The following NGEF variants were observed in gnomAD, a reference collection of about 807,000 sequenced individuals.
NGEF encodes ephexin-1.
A neutral mutation model predicts 80.9 loss-of-function variants in NGEF; 31 were observed. The observed-to-expected ratio is 0.38, with a 90% CI of 0.29 to 0.52. The LOEUF (loss-of-function observed/expected upper bound fraction) is 0.52. NGEF is among the 20% of genes least tolerant of loss of function. NGEF has a pLI of 0.84. For missense variants in NGEF, 709 were observed against 926.2 expected, an observed-to-expected ratio of 0.77 and a Z score of 3.04; for synonymous variants, 371 against 370.2, an observed-to-expected ratio of 1.00 and a Z score of -0.03.
At chr2:232,929,787 C>T (rs934537822) in intron 3 of NGEF, among the ~76,000 whole-genome samples, 11 of 152,120 alleles carry the variant, frequency 7.2e-5, no homozygotes, top group Non-Finnish European at 1.0e-4. Flanking sequence ...TGATGTGGTT[C>T]GGCTGTGTCC....
intron 1 of NGEF, among the ~76,000 whole-genome samples, chr2:233,005,538 T>G (rs543485772): frequency 1.3e-5 from 2 of 151,910 alleles, no homozygotes; most frequent in South Asian, 4.1e-4. Context: ...CCCAGATTAC[T>G]CAGGTGGATG....
chr2:232,889,622 T>C (rs1018809662), intron 8 of NGEF, among the ~76,000 whole-genome samples: 2 of 152,252 alleles, frequency 1.3e-5, no homozygotes, highest in Non-Finnish European at 2.9e-5. Context: ...GTCTTCTGTT[T>C]CACTTTTTCC....
chr2:232,963,727 T>C lies in NGEF; in HGVS notation c.383+6487A>G, dbSNP rs61599638. On this transcript the variant is annotated intron_variant, in intron 3 of 14. Coordinates refer to ENST00000264051, the MANE Select transcript of NGEF (RefSeq NM_019850.3). The stretch of plus-strand genomic sequence containing the variant: ...GACTTGGGAGGCTGAGGCAGGAGAA[T>C]TGCTTGAACCTGGGAGGCAAGGTTG... Among the ~76,000 whole-genome samples the C allele has an allele frequency of 3.6e-3, 549 of 152,116 alleles. 2 individuals carry two copies. Among genetic ancestry groups the C allele is most frequent in the African/African-American group, 0.013 (530 of 41,488 alleles).
Position 232,885,009 on chromosome 2 carries a change from G to A in NGEF, c.1437+271C>T, listed in dbSNP as rs951471288. On this transcript the variant is annotated intron_variant, in intron 10 of 14. Coordinates refer to ENST00000264051, the MANE Select transcript of NGEF (RefSeq NM_019850.3). ...AAGGCCACGCAGCGGGCAGGTGAGA[G>A]CAGGGTCCACACCCTGCGTGGGTCT... 3.1e-5 allele frequency: 13 copies of A among 414,306 alleles called. No individual in the cohort carries two copies. In the Admixed American group the frequency reaches 4.6e-4, roughly 15 times the overall value. 25.7% of individuals were successfully genotyped at this position (414,306 alleles called of 1,614,324 possible).
intron 8 of NGEF, among the ~76,000 whole-genome samples, chr2:232,888,368 C>T (rs1691766369): frequency 2.2e-5 from 2 of 91,346 alleles, no homozygotes; most frequent in South Asian, 4.9e-4. Context: ...TGCACACATG[C>T]ACACCGTGTA....
At chr2:232,999,570 A>G (rs1694927036) in intron 1 of NGEF, among the ~76,000 whole-genome samples, 1 of 152,248 alleles carries the variant, frequency 6.6e-6, no homozygotes, top group South Asian at 2.1e-4. Context: ...TTTCCCTGCC[A>G]TCAGACAGGG....
At chr2:232,998,571 A>G (rs1173226717) in intron 1 of NGEF, among the ~76,000 whole-genome samples, 1 of 152,120 alleles carries the variant, frequency 6.6e-6, no homozygotes, top group Non-Finnish European at 1.5e-5. Flanking sequence ...GGGGGGCTAC[A>G]GTCCGCTCAG....
At chr2:232,958,614 A>G (rs1261008605) in intron 3 of NGEF, among the ~76,000 whole-genome samples, 1 of 152,144 alleles carries the variant, frequency 6.6e-6, no homozygotes. Context: ...CAATGGTAAG[A>G]GCTGATGATT....
chr2:232,952,715 C>A (rs1173858079), intron 3 of NGEF, among the ~76,000 whole-genome samples: 1 of 152,030 alleles, frequency 6.6e-6, no homozygotes, highest in Non-Finnish European at 1.5e-5. Context: ...CGCCTGTAAT[C>A]CCAGCACTTT....
intron 8 of NGEF, among the ~76,000 whole-genome samples, chr2:232,889,182 G>A (rs1691799639): frequency 6.6e-6 from 1 of 152,158 alleles, no homozygotes; most frequent in Non-Finnish European, 1.5e-5. Flanking sequence ...GTCATTAACT[G>A]TCCCCCTACT....
intron 1 of NGEF, among the ~76,000 whole-genome samples, chr2:232,978,283 G>A (rs990455236): frequency 1.3e-5 from 2 of 152,020 alleles, no homozygotes; most frequent in Admixed American, 1.3e-4. Flanking sequence ...ACAGGCTGAG[G>A]GGGGGGATCA....
chr2:232,968,397 C>CTT (rs1694111704), intron 3 of NGEF, among the ~76,000 whole-genome samples: 1 of 148,228 alleles, frequency 6.7e-6, no homozygotes, highest in African/African-American at 2.5e-5. Context: ...CCAGACCTGG[C>CTT]TTTTATTTTA....
At chr2:232,975,092 C>T (rs191557397) in intron 1 of NGEF, 128 bp from the exon 2 acceptor site, 126 of 572,118 alleles carry the variant, frequency 2.2e-4, no homozygotes, top group African/African-American at 2.2e-3. Context: ...GTATCCACGT[C>T]TTCGCCACTG....
chr2:232,971,540 C>A (rs1694184450), intron 2 of NGEF, among the ~76,000 whole-genome samples: 1 of 152,084 alleles, frequency 6.6e-6, no homozygotes, highest in Non-Finnish European at 1.5e-5. Context: ...CAAAAATTAG[C>A]CGGGCATGGT....
chr2:233,006,492 T>G (rs1410326640), intron 1 of NGEF, among the ~76,000 whole-genome samples: 2 of 152,042 alleles, frequency 1.3e-5, no homozygotes, highest in Admixed American at 6.6e-5. Flanking sequence ...GAGGAGCTGG[T>G]TTGGTGAAAT....
chr2:232,919,534 CT>C (rs1692889804), intron 5 of NGEF, among the ~76,000 whole-genome samples: 2 of 152,070 alleles, frequency 1.3e-5, no homozygotes, highest in African/African-American at 4.8e-5. Flanking sequence ...TTCCTGTTTA[CT>C]CCTGACCATA....
intron 5 of NGEF, among the ~76,000 whole-genome samples, chr2:232,895,150 G>C (rs1336770804): frequency 6.6e-6 from 1 of 152,162 alleles, no homozygotes; most frequent in East Asian, 1.9e-4. Context: ...GACAGGGCAC[G>C]GAGGCTACTC....
rs780310950 is a variant in NGEF at position 232,970,314 on chromosome 2, C to T, written c.283G>A (p.Gly95Arg). 2 of 1,597,498 alleles carry T rather than the reference C, an allele frequency of 1.3e-6. No homozygotes were observed. Among genetic ancestry groups the T allele is most frequent in the Non-Finnish European group, 1.7e-6 (2 of 1,173,040 alleles). Residue 95 changes from glycine to arginine, a missense_variant, in exon 3 of 15, where the codon GGA becomes AGA. Physicochemically the swap from Gly to Arg is moderately radical, Grantham distance 125. Transcript: ENST00000264051. ...GTCAGGGGCTCATTTACAGATTTTC[C>T]ATTGTCCTGTGAATCTGTGACAATT... ...ASCLADSQDN[G>R]KSVNEPLTLN...
Position 232,885,858 on chromosome 2 carries a change from C to T in NGEF, c.1348-489G>A, listed in dbSNP as rs142559575. The stretch of plus-strand genomic sequence containing the variant: ...CAGGCTCTCAGGGCACATAAATGAG[C>T]ACCATGTCCAGGGAAGTGTGCGCGA... On this transcript the variant is annotated intron_variant, in intron 9 of 14. Coordinates refer to ENST00000264051, the MANE Select transcript of NGEF (RefSeq NM_019850.3). 1.9e-3 allele frequency among the ~76,000 whole-genome samples: 296 copies of T among 152,374 alleles called. 2 individuals are homozygous for T. The highest frequency in any genetic ancestry group is 6.8e-3 in the Middle Eastern group (2 of 294).
Sources: allele counts gnomAD v4.1 joint callset (sites outside exome capture counted in the v4.1 genomes callset), GRCh38; gene constraint gnomAD v4.1.1; transcripts MANE v1.5; gene names NCBI Gene and HGNC (gene_info 2026-07-23, HGNC 2026-07-21).